ALCAM: variants seen among roughly 807,000 people sequenced by gnomAD.
ALCAM encodes the protein CD166 antigen.
ALCAM carries 30 observed loss-of-function variants against 70.9 expected under a neutral mutation model. The ratio of observed to expected loss-of-function variants is 0.42; its 90% CI spans 0.32 to 0.57. The LOEUF is 0.57. ALCAM is among the 20% of genes least tolerant of loss of function. The pLI, the probability that ALCAM is intolerant of heterozygous loss-of-function variation, is 0.11. For missense variants in ALCAM, 591 were observed against 695.1 expected (o/e 0.85, Z 1.68); for synonymous variants, 249 against 242.5 (o/e 1.03, Z -0.25).
chr3:105,403,070 C>G lies in ALCAM; in HGVS notation c.73+35589C>G, dbSNP rs373328313. ...CAAGTGATACTCCTGCCTCAGCCTC[C>G]CAAGTAGCTGGGATTGCAGATGCCC... On this transcript the variant is annotated intron_variant, in intron 1 of 15. Transcript: ENST00000306107. 2.4e-3 allele frequency among the ~76,000 whole-genome samples: 358 copies of G among 152,036 alleles called. 1 individual carries two copies. Among genetic ancestry groups the G allele is most frequent in the African/African-American group, 8.3e-3 (346 of 41,458 alleles).
At chr3:105,522,764 A>G (rs937290976) in intron 2 of ALCAM, among the ~76,000 whole-genome samples, 4 of 152,238 alleles carry the variant, frequency 2.6e-5, no homozygotes, top group African/African-American at 7.2e-5. Context: ...CTCAACCTCC[A>G]TGGTCTAGTC....
chr3:105,439,528 A>T (rs1212959288), intron 1 of ALCAM: 2 of 152,196 alleles, frequency 1.3e-5, no homozygotes, highest in African/African-American at 4.8e-5. Context: ...ACAGATAAAG[A>T]AATGGTCTAA....
chr3:105,543,710 C>T (rs1576232874), intron 8 of ALCAM, among the ~76,000 whole-genome samples: 1 of 151,702 alleles, frequency 6.6e-6, no homozygotes, highest in East Asian at 1.9e-4. Context: ...TTTCAAAGTC[C>T]ATCATTGTCC....
At chr3:105,409,103 T>A (rs1158018736) in intron 1 of ALCAM, among the ~76,000 whole-genome samples, 2 of 152,154 alleles carry the variant, frequency 1.3e-5, no homozygotes, top group Non-Finnish European at 2.9e-5. Context: ...TTGGAGGGAA[T>A]GTAAACTAGT....
chr3:105,517,079 T>G (rs1238872336), intron 1 of ALCAM, among the ~76,000 whole-genome samples: 3 of 152,054 alleles, frequency 2.0e-5, no homozygotes, highest in African/African-American at 7.2e-5. Flanking sequence ...TCTCAAAGAT[T>G]AAGATATCAC....
At chr3:105,428,444 A>G (rs756112231) in intron 1 of ALCAM, among the ~76,000 whole-genome samples, 2 of 151,912 alleles carry the variant, frequency 1.3e-5, no homozygotes, top group African/African-American at 2.4e-5. Context: ...TGGCCCTGGA[A>G]GAGATTGAGT....
chr3:105,457,984 A>G (rs1182626152), intron 1 of ALCAM, among the ~76,000 whole-genome samples: 2 of 152,158 alleles, frequency 1.3e-5, no homozygotes, highest in East Asian at 3.9e-4. Context: ...GAGCTTTCCA[A>G]TGGAGCTCCT....
chr3:105,552,050 T>C (rs1940423184), intron 12 of ALCAM, 94 bp from the exon 13 acceptor site: 8 of 838,266 alleles, frequency 9.5e-6, no homozygotes, highest in Non-Finnish European at 1.1e-5. Context: ...CATTTTATCT[T>C]TGAGTATTAT....
Position 105,508,504 on chromosome 3 carries a change from A to G in ALCAM, c.74-11563A>G, listed in dbSNP as rs117421220. Among the ~76,000 whole-genome samples, 42 of 152,322 alleles carry G rather than the reference A, an allele frequency of 2.8e-4. 1 individual carries two copies. The East Asian group carries it at 6.0e-3, about 22-fold the overall frequency. ...ACTTTTGTGAAGCCCAAATGCAAAA[A>G]TGTACAATGTATATAAAAGAATGTT... is the stretch of plus-strand genomic sequence containing the variant. On this transcript the variant is annotated intron_variant, in intron 1 of 15. Transcript: ENST00000306107.
chr3:105,565,837 T>G lies in ALCAM; in HGVS notation c.1665-6015T>G, dbSNP rs552325520. On this transcript the variant is annotated intron_variant, in intron 14 of 15. Transcript: ENST00000306107. ...AATCAAAGGAATGCTTATGTAAATT[T>G]CTCATGCGCTTTTCTTTGCATAACT... is the stretch of plus-strand genomic sequence containing the variant. 6.6e-4 allele frequency among the ~76,000 whole-genome samples: 100 copies of G among 152,342 alleles called. 1 individual carries two copies. Among genetic ancestry groups the G allele is most frequent in the South Asian group, 5.4e-3 (26 of 4,828 alleles).
At chr3:105,474,497 G>A (rs972520533) in intron 1 of ALCAM, among the ~76,000 whole-genome samples, 10 of 151,522 alleles carry the variant, frequency 6.6e-5, no homozygotes, top group South Asian at 2.1e-4. Context: ...GAGATTTACC[G>A]TAACCTTATG....
intron 1 of ALCAM, among the ~76,000 whole-genome samples, chr3:105,392,297 T>A (rs1014228160): frequency 6.6e-6 from 1 of 151,926 alleles, no homozygotes; most frequent in South Asian, 2.1e-4. Flanking sequence ...GGTTTAGTCT[T>A]GGGGTGGTGT....
At chr3:105,530,071 G>A (rs1325087399) in intron 3 of ALCAM, among the ~76,000 whole-genome samples, 1 of 151,698 alleles carries the variant, frequency 6.6e-6, no homozygotes, top group Non-Finnish European at 1.5e-5. Flanking sequence ...TGTTCATTTT[G>A]ACTCTTCATT....
chr3:105,512,082 A>G (rs1406408927), intron 1 of ALCAM, among the ~76,000 whole-genome samples: 2 of 152,020 alleles, frequency 1.3e-5, no homozygotes, highest in African/African-American at 4.8e-5. Context: ...TCTTTGTGAT[A>G]TATTTTTTCT....
intron 9 of ALCAM, among the ~76,000 whole-genome samples, chr3:105,546,728 G>A (rs1315206575): frequency 6.6e-6 from 1 of 151,376 alleles, no homozygotes; most frequent in Non-Finnish European, 1.5e-5. Context: ...CTGATTATTG[G>A]TTAGTTAATG....
At chr3:105,539,023 AT>A (rs1347448994) in intron 6 of ALCAM, among the ~76,000 whole-genome samples, 2 of 152,150 alleles carry the variant, frequency 1.3e-5, no homozygotes, top group Non-Finnish European at 2.9e-5. Flanking sequence ...TTGTTAGCTA[AT>A]AAAAAAAATA....
intron 1 of ALCAM, among the ~76,000 whole-genome samples, chr3:105,444,194 C>G (rs778716043): frequency 6.6e-6 from 1 of 152,162 alleles, no homozygotes; most frequent in Admixed American, 6.5e-5. Flanking sequence ...CTGTATTACA[C>G]TCTGTTCTCA....
At chr3:105,497,839 G>A (rs1938798816) in intron 1 of ALCAM, among the ~76,000 whole-genome samples, 1 of 151,974 alleles carries the variant, frequency 6.6e-6, no homozygotes, top group Admixed American at 6.5e-5. Context: ...AGACCATCCT[G>A]GCTAACACGG....
intron 1 of ALCAM, among the ~76,000 whole-genome samples, chr3:105,436,353 T>A (rs1378431418): frequency 1.3e-5 from 2 of 152,242 alleles, no homozygotes; most frequent in African/African-American, 4.8e-5. Context: ...ATTTATTTAT[T>A]TATTTTTGAG....
Sources: allele counts gnomAD v4.1 joint callset (sites outside exome capture counted in the v4.1 genomes callset), GRCh38; gene constraint gnomAD v4.1.1; transcripts MANE v1.5; gene names NCBI Gene and HGNC (gene_info 2026-07-23, HGNC 2026-07-21).